The following GPHN variants were observed in gnomAD, a reference collection of about 807,000 sequenced individuals.
GPHN encodes gephyrin.
GPHN carries 17 observed loss-of-function variants against 95.5 expected under a neutral mutation model. The observed-to-expected ratio is 0.18, with a 90% CI of 0.12 to 0.27. GPHN has a LOEUF of 0.27. Ranked by LOEUF, GPHN falls within the 10% of genes least tolerant of loss-of-function variation. The pLI is 1.00. For missense variants in GPHN, 660 were observed against 978.1 expected, an observed-to-expected ratio of 0.67 and a Z score of 4.34; for synonymous variants, 320 against 322.5, an observed-to-expected ratio of 0.99 and a Z score of 0.08.
chr14:66,712,987 G>A (rs1400976087), intron 2 of GPHN, among the ~76,000 whole-genome samples: 2 of 152,104 alleles, frequency 1.3e-5, no homozygotes, highest in South Asian at 2.1e-4. Flanking sequence ...ACTTTTAGAT[G>A]GGATTTTTTA....
the GPHN span, chr14:67,646,712 T>C: frequency 1.9e-6 from 3 of 1,613,620 alleles, no homozygotes; most frequent in Non-Finnish European, 2.5e-6. Context: ...TGTATATTGG[T>C]CTGAGAGACG....
At chr14:67,537,999 G>A in the GPHN span, among the ~76,000 whole-genome samples, 1 of 152,202 alleles carries the variant, frequency 6.6e-6, no homozygotes, top group Non-Finnish European at 1.5e-5. Flanking sequence ...AAAACTATGA[G>A]TTTCATAAGA....
chr14:67,541,962 C>T, the GPHN span: 10 of 1,607,558 alleles, frequency 6.2e-6, no homozygotes, highest in African/African-American at 1.2e-4. Context: ...CGCCTACAGG[C>T]CAGCAAGATA....
At chr14:66,911,726 T>C (rs186344401) in intron 5 of GPHN, among the ~76,000 whole-genome samples, 1 of 152,184 alleles carries the variant, frequency 6.6e-6, no homozygotes, top group East Asian at 1.9e-4. Flanking sequence ...AAGTTTAACA[T>C]AGAATATTGA....
chr14:66,947,687 G>A (rs1301505380), intron 8 of GPHN, among the ~76,000 whole-genome samples: 1 of 152,218 alleles, frequency 6.6e-6, no homozygotes, highest in African/African-American at 2.4e-5. Flanking sequence ...GCCAGGCACA[G>A]TGGCTTACAC....
At chr14:66,558,605 G>A (rs1241347887) in intron 1 of GPHN, among the ~76,000 whole-genome samples, 8 of 151,938 alleles carry the variant, frequency 5.3e-5, no homozygotes, top group Admixed American at 1.3e-4. Flanking sequence ...TTTATTACAT[G>A]TTTTAAGTCA....
chr14:66,996,081 G>C, intron 9 of GPHN: 1 of 766,474 alleles, frequency 1.3e-6, no homozygotes, highest in Non-Finnish European at 2.2e-6. Context: ...ATCTGGCCAA[G>C]TGTGTTGGTG....
chr14:66,859,236 G>A (rs1567028592), intron 4 of GPHN, among the ~76,000 whole-genome samples: 1 of 152,180 alleles, frequency 6.6e-6, no homozygotes, highest in Non-Finnish European at 1.5e-5. Flanking sequence ...GTCTGACCCA[G>A]CTGACCCATA....
At chr14:67,338,657 C>T in the GPHN span, 1 of 1,614,100 alleles carries the variant, frequency 6.2e-7, no homozygotes, top group Non-Finnish European at 8.5e-7. Flanking sequence ...TCTCTTCAGC[C>T]AGAAGATTAG....
At chr14:67,199,976 T>A in the GPHN span, 1 of 1,149,008 alleles carries the variant, frequency 8.7e-7, no homozygotes, top group Non-Finnish European at 1.2e-6. Flanking sequence ...CATCCAGGGA[T>A]GTCTCAGATG....
chr14:66,576,093 T>C (rs1190615062), intron 1 of GPHN, among the ~76,000 whole-genome samples: 2 of 152,092 alleles, frequency 1.3e-5, no homozygotes, highest in Non-Finnish European at 2.9e-5. Context: ...GTGCTAGGGT[T>C]ATCCTGGAGC....
At chr14:66,735,447 A>T (rs7140417) in intron 2 of GPHN, among the ~76,000 whole-genome samples, 47,333 of 151,998 alleles carry the variant, frequency 0.31, 11,201 homozygotes, top group African/African-American at 0.64. Flanking sequence ...CAATAGTTGT[A>T]CCCATCCCAT....
intron 2 of GPHN, among the ~76,000 whole-genome samples, chr14:66,735,233 C>T (rs1422854825): frequency 6.6e-6 from 1 of 152,114 alleles, no homozygotes; most frequent in Non-Finnish European, 1.5e-5. Flanking sequence ...CAACATCTGT[C>T]AGATACTATG....
chr14:66,834,484 A>G (rs1442197169), intron 4 of GPHN, among the ~76,000 whole-genome samples: 1 of 152,128 alleles, frequency 6.6e-6, no homozygotes, highest in Non-Finnish European at 1.5e-5. Context: ...AATTTTCTCA[A>G]AGGCCTTTTC....
At chr14:67,358,025 T>C in the GPHN span, among the ~76,000 whole-genome samples, 3 of 152,198 alleles carry the variant, frequency 2.0e-5, no homozygotes, top group Non-Finnish European at 4.4e-5. Flanking sequence ...GGTCTATCAA[T>C]TAGGTGTTGA....
intron 1 of GPHN, among the ~76,000 whole-genome samples, chr14:66,665,430 G>A (rs1230186659): frequency 5.3e-5 from 8 of 152,182 alleles, no homozygotes; most frequent in Non-Finnish European, 8.8e-5. Context: ...CCATCAACAA[G>A]TGAGCGAAGG....
chr14:67,443,625 A>C, the GPHN span, among the ~76,000 whole-genome samples: 2 of 152,210 alleles, frequency 1.3e-5, no homozygotes, highest in South Asian at 2.1e-4. Context: ...TGTAGGTACC[A>C]GACACAGTGG....
the GPHN span, among the ~76,000 whole-genome samples, chr14:67,440,310 T>C: frequency 6.6e-6 from 1 of 152,192 alleles, no homozygotes. Context: ...TTACATGAAA[T>C]GTGCCTTAGG....
intron 1 of GPHN, among the ~76,000 whole-genome samples, chr14:66,513,959 T>C (rs1020759486): frequency 3.2e-4 from 48 of 151,914 alleles, no homozygotes; most frequent in Non-Finnish European, 6.5e-4. Context: ...AAATTTACCA[T>C]GCTTTAAAAA....
Sources: allele counts gnomAD v4.1 joint callset (sites outside exome capture counted in the v4.1 genomes callset), GRCh38; gene constraint gnomAD v4.1.1; transcripts MANE v1.5; gene names NCBI Gene and HGNC (gene_info 2026-07-23, HGNC 2026-07-21).